Variants in UBAC2 observed in about 807,000 individuals in gnomAD.
The protein encoded by UBAC2 is UBA domain containing 2, also known as ubiquitin-associated domain-containing protein 2.
Under a neutral mutation model 44.0 loss-of-function variants are expected in UBAC2, and 26 were observed. That is an observed-to-expected ratio of 0.59 (90% confidence interval 0.43 to 0.82). UBAC2 has a LOEUF of 0.82. UBAC2 is among the 40% of genes least tolerant of loss of function. The pLI is 0.00. For missense variants in UBAC2, 329 were observed against 419.4 expected (o/e 0.78, Z 1.88); for synonymous variants, 155 against 154.3 (o/e 1.00, Z -0.04).
intron 6 of UBAC2, among the ~76,000 whole-genome samples, chr13:99,340,042 G>A (rs2044860406): frequency 6.6e-6 from 1 of 152,278 alleles, no homozygotes; most frequent in Middle Eastern, 3.4e-3. Flanking sequence ...ACAGTGTCTT[G>A]ACAATCTTTT....
chr13:99,257,956 T>A (rs930868526), intron 4 of UBAC2, among the ~76,000 whole-genome samples: 6 of 152,328 alleles, frequency 3.9e-5, no homozygotes, highest in South Asian at 2.1e-4. Context: ...TTAAATATAT[T>A]TTTTTAATAG....
At chr13:99,246,166 A>T (rs1346684205) in intron 4 of UBAC2, among the ~76,000 whole-genome samples, 1 of 152,224 alleles carries the variant, frequency 6.6e-6, no homozygotes, top group African/African-American at 2.4e-5. Context: ...TAATGTTTAC[A>T]GTGTAGCTGC....
At chr13:99,250,143 T>C (rs1205194936) in intron 4 of UBAC2, among the ~76,000 whole-genome samples, 1 of 152,222 alleles carries the variant, frequency 6.6e-6, no homozygotes, top group East Asian at 1.9e-4. Context: ...CCAAGGCCGA[T>C]GTCCAGAATG....
rs537322011 is a variant in UBAC2, at chr13:99,349,623, G to C, written c.807+9058G>C. 9.2e-5 allele frequency among the ~76,000 whole-genome samples: 14 copies of C among 152,294 alleles called. No individual in the cohort carries two copies. The South Asian group carries it at 2.9e-3, about 32-fold the overall frequency. On this transcript the variant is annotated intron_variant, in intron 7 of 8. Coordinates refer to ENST00000403766, the MANE Select transcript of UBAC2 (RefSeq NM_001144072.2). ...GGACAGGGGGGCCCTTCCCTCTTAG[G>C]TAGCCGAAGCTGAGAGAGAGAAGGC...
At chr13:99,275,566 T>A (rs2043870772) in intron 4 of UBAC2, among the ~76,000 whole-genome samples, 1 of 152,174 alleles carries the variant, frequency 6.6e-6, no homozygotes, top group African/African-American at 2.4e-5. Flanking sequence ...TTTCCTGACA[T>A]CCTGTTTTCA....
intron 4 of UBAC2, among the ~76,000 whole-genome samples, chr13:99,301,963 TTC>T (rs1433572819): frequency 6.6e-6 from 1 of 152,210 alleles, no homozygotes; most frequent in Non-Finnish European, 1.5e-5. Context: ...TACCTAGGAA[TTC>T]TGTTTAATTG....
chr13:99,259,547 A>G (rs1406643933), intron 4 of UBAC2, among the ~76,000 whole-genome samples: 1 of 152,190 alleles, frequency 6.6e-6, no homozygotes, highest in Non-Finnish European at 1.5e-5. Context: ...TAAGAACTCA[A>G]GGTAAAGCCA....
chr13:99,261,788 G>C (rs1259767699), intron 4 of UBAC2: 4 of 152,506 alleles, frequency 2.6e-5, no homozygotes, highest in East Asian at 3.9e-4. Flanking sequence ...AGATTGAGCA[G>C]AACTCCATGG....
At chr13:99,342,198 G>C (rs776498934) in intron 7 of UBAC2, among the ~76,000 whole-genome samples, 1 of 152,214 alleles carries the variant, frequency 6.6e-6, no homozygotes, top group Non-Finnish European at 1.5e-5. Flanking sequence ...AAGCCTCGCT[G>C]GTCTTATGGA....
chr13:99,338,047 C>CTTTTTCTTTTTTTTTTTTTTTTTTTTTTT (rs2044821100), intron 6 of UBAC2, among the ~76,000 whole-genome samples: 5 of 48,868 alleles, frequency 1.0e-4, no homozygotes, highest in Admixed American at 2.9e-4. Context: ...TTCTTTTTTT[C>CTTTTTCTTTTTTTTTTTTTTTTTTTTTTT]TTTTTTTTTT....
At position 99,386,457 on chromosome 13, in the gene UBAC2, A is replaced by T. The variant is rs1454078088; in HGVS notation, c.*1122A>T. The T allele has an allele frequency of 6.6e-6, 1 of 152,268 alleles. No individual in the cohort carries two copies. Among genetic ancestry groups the T allele is most frequent in the Non-Finnish European group, 1.5e-5 (1 of 68,042 alleles). 9.4% of individuals were successfully genotyped at this position (152,268 alleles called of 1,614,324 possible). On this transcript the variant is annotated 3_prime_UTR_variant, in exon 9 of 9. Transcript: ENST00000403766. Reference sequence around the variant, plus strand: ...TTCAGTATTTTTCTATCAGACTTGTACAAATAAAGCCTTGTTCCAGGCTAT... The same window carrying T: ...TTCAGTATTTTTCTATCAGACTTGTTCAAATAAAGCCTTGTTCCAGGCTAT...
chr13:99,247,206 T>TTG (rs1555322900), intron 4 of UBAC2, among the ~76,000 whole-genome samples: 4 of 90,688 alleles, frequency 4.4e-5, no homozygotes, highest in Admixed American at 1.0e-4. Context: ...TTTTTTTTTT[T>TTG]TTGTTTTGTT....
At chr13:99,330,635 T>C (rs1566506142) in intron 6 of UBAC2, among the ~76,000 whole-genome samples, 1 of 151,998 alleles carries the variant, frequency 6.6e-6, no homozygotes, top group Non-Finnish European at 1.5e-5. Context: ...GCTTCTTCTT[T>C]CCCAATTTGT....
chr13:99,363,139 T>C (rs2045287149), intron 7 of UBAC2, among the ~76,000 whole-genome samples: 1 of 152,224 alleles, frequency 6.6e-6, no homozygotes, highest in African/African-American at 2.4e-5. Context: ...CAGTACGGGC[T>C]CATAACCAAG....
chr13:99,346,639 A>C (rs1490262760), intron 7 of UBAC2, among the ~76,000 whole-genome samples: 2 of 150,338 alleles, frequency 1.3e-5, no homozygotes, highest in African/African-American at 2.5e-5. Context: ...CATACACATC[A>C]TTTTCACTTG....
intron 8 of UBAC2, among the ~76,000 whole-genome samples, chr13:99,374,495 C>T (rs1248699055): frequency 6.6e-6 from 1 of 152,152 alleles, no homozygotes; most frequent in Non-Finnish European, 1.5e-5. Flanking sequence ...TATCCATTAG[C>T]CCAAGTAGAG....
chr13:99,273,878 T>C (rs79918079), intron 4 of UBAC2, among the ~76,000 whole-genome samples: 4 of 151,526 alleles, frequency 2.6e-5, no homozygotes, highest in African/African-American at 7.3e-5. Context: ...TTTTTTTTTT[T>C]CCTGCTTTCT....
At chr13:99,332,679 C>G (rs1032727981) in intron 6 of UBAC2, among the ~76,000 whole-genome samples, 17 of 152,204 alleles carry the variant, frequency 1.1e-4, no homozygotes, top group African/African-American at 4.1e-4. Flanking sequence ...AGCTTGTCTT[C>G]CCGGGCATAT....
intron 4 of UBAC2, among the ~76,000 whole-genome samples, chr13:99,271,260 G>A (rs1180366984): frequency 6.6e-6 from 1 of 152,188 alleles, no homozygotes; most frequent in Non-Finnish European, 1.5e-5. Context: ...ATTCTAGTAA[G>A]GAAAAGCTTC....
Sources: allele counts gnomAD v4.1 joint callset (sites outside exome capture counted in the v4.1 genomes callset), GRCh38; gene constraint gnomAD v4.1.1; transcripts MANE v1.5; gene names NCBI Gene and HGNC (gene_info 2026-07-23, HGNC 2026-07-21).